SLU7: variants seen among roughly 807,000 people sequenced by gnomAD.
The protein encoded by SLU7 is spliceosome associated SLU7, also known as pre-mRNA-splicing factor SLU7.
A neutral mutation model predicts 87.0 loss-of-function variants in SLU7; 60 were observed. The observed-to-expected ratio is 0.69, with a 90% CI of 0.56 to 0.86. SLU7 has a LOEUF of 0.86. Among genes scored for constraint, SLU7 ranks in the 40% least tolerant of loss-of-function variants. The probability of loss-of-function intolerance (pLI) is 0.00; values close to 1 mark genes in which losing one functional copy is unlikely to be tolerated. For missense variants in SLU7, 507 were observed against 686.6 expected (o/e 0.74, Z 2.92); for synonymous variants, 197 against 222.0 (o/e 0.89, Z 1.00).
chr5:160,414,240 T>A (rs917418959), intron 3 of SLU7, 79 bp downstream of exon 3: 30 of 1,098,534 alleles, frequency 2.7e-5, no homozygotes, highest in Non-Finnish European at 5.1e-6. Context: ...CTACTTTAAA[T>A]AGTATTGCAT....
At chr5:160,410,114 G>A (rs1309764803) in intron 6 of SLU7, among the ~76,000 whole-genome samples, 1 of 151,972 alleles carries the variant, frequency 6.6e-6, no homozygotes, top group East Asian at 1.9e-4. Flanking sequence ...ATATAAAGAT[G>A]GATTCATGTA....
At position 160,403,328 on chromosome 5, in the gene SLU7, C is replaced by T. The variant is rs1326313867; in HGVS notation, c.1718G>A (p.Arg573His). Residue 573 changes from arginine (R) to histidine (H), a missense_variant, in exon 16 of 16, where the codon CGT (arginine) becomes CAT (histidine). Arg to His is a conservative substitution (Grantham distance 29). Coordinates refer to ENST00000297151, the MANE Select transcript of SLU7 (RefSeq NM_006425.5). ...GGCCATGGGGTCATCTGGCCTCTGA[C>T]GTTTCATTCTATATGCCTCCATTTC... Reference protein sequence around the residue: ...EEEMEAYRMKRQRPDDPMASF... With the variant: ...EEEMEAYRMKHQRPDDPMASF... The T allele has an allele frequency of 4.3e-6, 7 of 1,611,854 alleles. No homozygotes were observed. The highest frequency in any genetic ancestry group is 3.4e-5 in the Admixed American group (2 of 59,624).
At chr5:160,408,105 T>G (rs1459308995) in intron 8 of SLU7, 37 bp from the exon 9 acceptor site, 1 of 1,449,524 alleles carries the variant, frequency 6.9e-7, no homozygotes, top group Admixed American at 1.7e-5. Context: ...TAATGTTTAC[T>G]CACAGCAAAA....
In SLU7 at chr5:160,407,007, G is replaced by C. The variant is rs1232598638; in HGVS notation, c.1126-378C>G. 6.6e-6 allele frequency among the ~76,000 whole-genome samples: 1 copy of C among 152,230 alleles called. No homozygotes were observed. Among genetic ancestry groups the C allele is most frequent in the Non-Finnish European group, 1.5e-5 (1 of 68,038 alleles). ...AGTTGGCAAATGTGATGCAAGCAAAGGCACTTATGTACCACAGCACACTTT... is the reference window on the plus strand; with the variant it reads ...AGTTGGCAAATGTGATGCAAGCAAACGCACTTATGTACCACAGCACACTTT... On this transcript the variant is annotated intron_variant, in intron 11 of 15. Transcript: ENST00000297151. The surrounding 1 kb of genome is among the most constrained non-coding windows in gnomAD (Gnocchi z 4.2).
Position 160,403,371 on chromosome 5 carries a change from G to C in SLU7, c.1675C>G (p.Arg559Gly). 6.2e-7 allele frequency: 1 copy of C among 1,613,376 alleles called. No individual in the cohort carries two copies. The highest frequency in any genetic ancestry group is 1.1e-5 in the South Asian group (1 of 90,874). ...TCCATTTCCTCTTCAGTAGGTTCTC[G>C]AGTTTCATACATGCTATTGTAAGGC... The part of the protein sequence containing the change: ...KRPYNSMYET[R>G]EPTEEEMEAY... The change falls in exon 16 of 16, where the codon CGA becomes GGA. Residue 559 changes from arginine to glycine, a missense_variant. Physicochemically the swap from Arg to Gly is moderately radical, Grantham distance 125 (BLOSUM62 -2). This residue lies in a region of SLU7 where 201 missense variants were observed against 213.4 expected (regional missense o/e 0.94). Transcript: ENST00000297151.
At chr5:160,410,172 G>C (rs1765172619) in intron 6 of SLU7, among the ~76,000 whole-genome samples, 1 of 152,184 alleles carries the variant, frequency 6.6e-6, no homozygotes, top group Admixed American at 6.5e-5. Flanking sequence ...ATGTGGACAA[G>C]AGAGACCTGG....
intron 6 of SLU7, among the ~76,000 whole-genome samples, chr5:160,409,969 T>C (rs557011226): frequency 2.0e-5 from 3 of 152,340 alleles, no homozygotes; most frequent in African/African-American, 7.2e-5. Context: ...GTGCATCTTC[T>C]TAAATTGTTT....
chr5:160,413,391 C>A, intron 5 of SLU7, 65 bp downstream of exon 5: 1 of 1,429,924 alleles, frequency 7.0e-7, no homozygotes, highest in Non-Finnish European at 9.7e-7. Flanking sequence ...AAAAGTAGAG[C>A]TGCTAGAGAT....
At position 160,413,556 on chromosome 5, in the gene SLU7, G is replaced by C; in HGVS notation, c.470C>G (p.Pro157Arg). ...CCCATCATAGTCAAACATCAGTTGA[G>C]GCTGGACATGTTCATCTGGAGCTAT... is the stretch of plus-strand genomic sequence containing the variant. The part of the protein sequence containing the change: ...TNIAPDEHVQ[P>R]QLMFDYDGKR... The change falls in exon 5 of 16, where the codon CCT becomes CGT. Residue 157 changes from proline (P) to arginine (R), a missense_variant. Physicochemically the swap from Pro to Arg is moderately radical, Grantham distance 103. Transcript: ENST00000297151. 8 of 1,613,918 alleles carry C rather than the reference G, an allele frequency of 5.0e-6. No individual in the cohort carries two copies. Among genetic ancestry groups the C allele is most frequent in the Non-Finnish European group, 5.9e-6 (7 of 1,179,868 alleles).
rs773377449 is a variant in SLU7 at position 160,401,916 on chromosome 5, G to C, written c.*1369C>G. On this transcript the variant is annotated 3_prime_UTR_variant, in exon 16 of 16. Coordinates refer to ENST00000297151, the MANE Select transcript of SLU7 (RefSeq NM_006425.5). The stretch of plus-strand genomic sequence containing the variant: ...GCTGACTTAATGCAGTATCCTACAG[G>C]TGGTTTTTGGTAGTTTAGAAAAGCC... 27 of 152,186 alleles carry C rather than the reference G, an allele frequency of 1.8e-4. No homozygotes were observed. Among genetic ancestry groups the C allele is most frequent in the Admixed American group, 4.6e-4 (7 of 15,282 alleles). 9.4% of individuals were successfully genotyped at this position (152,186 alleles called of 1,614,324 possible). A position where few individuals can be genotyped will look rare whatever the true frequency, so the allele number is the denominator to read the frequency against.
intron 6 of SLU7, among the ~76,000 whole-genome samples, chr5:160,410,936 GGC>G (rs1462120881): frequency 6.7e-6 from 1 of 149,826 alleles, no homozygotes; most frequent in Non-Finnish European, 1.5e-5. Flanking sequence ...GCATGATCTT[GGC>G]TCACTGCAAG....
chr5:160,415,729 ACTCT>A (rs925931817), intron 1 of SLU7, among the ~76,000 whole-genome samples: 1 of 151,840 alleles, frequency 6.6e-6, no homozygotes, highest in African/African-American at 2.4e-5. Context: ...ATCCTCACTC[ACTCT>A]AACTTAGCCC....
rs943833659 is a variant in SLU7, at chr5:160,402,886, G to T, written c.*399C>A. Reference sequence around the variant, plus strand: ...AAAAATTAGCTGAGCATGGTGGCGGGCGCCTGTAGTCCCAACTACTAGGGA... The same window carrying T: ...AAAAATTAGCTGAGCATGGTGGCGGTCGCCTGTAGTCCCAACTACTAGGGA... On this transcript the variant is annotated 3_prime_UTR_variant, in exon 16 of 16. Transcript: ENST00000297151. 2 of 152,610 alleles carry T rather than the reference G, an allele frequency of 1.3e-5. No homozygotes were observed. The highest frequency in any genetic ancestry group is 2.9e-5 in the Non-Finnish European group (2 of 68,442). 9.5% of individuals were successfully genotyped at this position (152,610 alleles called of 1,614,324 possible).
At chr5:160,408,863 AT>A (rs1335652044) in intron 6 of SLU7, among the ~76,000 whole-genome samples, 166 bp from the exon 7 acceptor site, 21 of 51,572 alleles carry the variant, frequency 4.1e-4, no homozygotes, top group Non-Finnish European at 6.4e-4. Context: ...ATAAATATTT[AT>A]TATATAATAT....
Position 160,412,624 on chromosome 5 carries a change from A to C in SLU7, c.571-105T>G, listed in dbSNP as rs1349007685. 4.4e-6 allele frequency: 3 copies of C among 682,496 alleles called. No homozygotes were observed. In the East Asian group the frequency reaches 8.5e-5, roughly 19 times the overall value. 42.3% of individuals were successfully genotyped at this position (682,496 alleles called of 1,614,324 possible). On this transcript the variant is annotated intron_variant, in intron 5 of 15. Coordinates refer to ENST00000297151, the MANE Select transcript of SLU7 (RefSeq NM_006425.5). ...AATTTTTATATATTTAAAATGAATA[A>C]CTTTAAATTAATTTATTTCAGAAAA...
Position 160,403,458 on chromosome 5 carries a change from T to C in SLU7, c.1588A>G (p.Asn530Asp), listed in dbSNP as rs374869684. Residue 530 changes from asparagine (N) to aspartate (D), a missense_variant, in exon 16 of 16, where the codon AAC (asparagine) becomes GAC (aspartate). Asn to Asp is a conservative substitution (Grantham distance 23). Coordinates refer to ENST00000297151, the MANE Select transcript of SLU7 (RefSeq NM_006425.5). ...KKHEKLKKAL[N>D]AEEARLLHVK... ...TGAAGAAGGCGGGCCTCCTCTGCGT[T>C]CAGTGCCTATAGTGAGAGGAATAAA... 40 of 1,605,972 alleles carry C rather than the reference T, an allele frequency of 2.5e-5. No homozygotes were observed. The highest frequency in any genetic ancestry group is 3.4e-5 in the Non-Finnish European group (40 of 1,176,614).
intron 1 of SLU7, among the ~76,000 whole-genome samples, chr5:160,418,001 T>G (rs1765527646): frequency 6.6e-6 from 1 of 152,166 alleles, no homozygotes; most frequent in Non-Finnish European, 1.5e-5. Context: ...CCGTGCTCCC[T>G]GTAGACACTG....
chr5:160,412,393 T>A (rs1366496846), intron 6 of SLU7, 58 bp downstream of exon 6: 1 of 1,054,044 alleles, frequency 9.5e-7, no homozygotes, highest in African/African-American at 1.6e-5. Context: ...TTGTTTCAAT[T>A]TTCATTTCTT....
chr5:160,409,285 C>CT (rs1561558717), intron 6 of SLU7, among the ~76,000 whole-genome samples: 2 of 152,068 alleles, frequency 1.3e-5, no homozygotes, highest in Admixed American at 6.6e-5. Flanking sequence ...GGCCAAACTC[C>CT]TTGTCACAAG....
Sources: gnomAD v4.1 joint callset for allele counts (sites outside exome capture counted in the v4.1 genomes callset) on GRCh38, gnomAD v4.1.1 for gene constraint, gnomAD v4.1.1 regional missense constraint, Gnocchi (gnomAD v3.1) non-coding constraint, MANE v1.5 for transcripts, NCBI Gene and HGNC (gene_info 2026-07-23, HGNC 2026-07-21) for gene names.